The following PPP3CC variants were observed in gnomAD, a reference collection of about 807,000 sequenced individuals.
The protein encoded by PPP3CC is serine/threonine-protein phosphatase 2B catalytic subunit gamma isoform.
In PPP3CC, 35 loss-of-function variants were observed where a neutral mutation model predicts 60.3. The ratio of observed to expected loss-of-function variants is 0.58; its 90% CI spans 0.44 to 0.77. The LOEUF is 0.77. Among genes scored for constraint, PPP3CC ranks in the 30% least tolerant of loss-of-function variants. The pLI, the probability that PPP3CC is intolerant of heterozygous loss-of-function variation, is 0.00. For synonymous variants in PPP3CC, 206 were observed against 224.3 expected (o/e 0.92, Z 0.73); for missense variants, 570 against 628.9 (o/e 0.91, Z 1.00).
At chr8:22,449,338 A>G (rs1476630213) in intron 1 of PPP3CC, among the ~76,000 whole-genome samples, 7 of 149,226 alleles carry the variant, frequency 4.7e-5, no homozygotes, top group African/African-American at 1.7e-4. Context: ...GGACCCAGCT[A>G]CTTGGGAGGC....
Position 22,492,862 on chromosome 8 carries a change from CTT to C in PPP3CC, c.373-5137_373-5136del, listed in dbSNP as rs1381520507. 2.8e-6 allele frequency: 3 copies of C among 1,057,824 alleles called. No individual in the cohort carries two copies. In the Admixed American group the frequency reaches 5.1e-5, roughly 18 times the overall value. 65.5% of individuals were successfully genotyped at this position (1,057,824 alleles called of 1,614,324 possible). On this transcript the variant is annotated intron_variant, in intron 3 of 13. Coordinates refer to ENST00000240139, the MANE Select transcript of PPP3CC (RefSeq NM_005605.5). ...TTAACAGCAGAGATGCCAGCAAACTCTTTCACCATTACAGGCCATGCTGAGAC... is the reference window on the plus strand; with the variant it reads ...TTAACAGCAGAGATGCCAGCAAACTCTCACCATTACAGGCCATGCTGAGAC...
intron 1 of PPP3CC, among the ~76,000 whole-genome samples, chr8:22,461,995 G>C (rs2132447718): frequency 6.6e-6 from 1 of 152,302 alleles, no homozygotes; most frequent in South Asian, 2.1e-4. Context: ...AGTGCATTGG[G>C]AGTCTAGGAT....
At chr8:22,455,074 A>G (rs1336890943) in intron 1 of PPP3CC, among the ~76,000 whole-genome samples, 3 of 143,750 alleles carry the variant, frequency 2.1e-5, no homozygotes, top group Non-Finnish European at 4.6e-5. Context: ...AAAAAAAAAA[A>G]GAAAGAAAGG....
At chr8:22,468,563 T>G (rs1466250178) in intron 1 of PPP3CC, among the ~76,000 whole-genome samples, 3 of 152,142 alleles carry the variant, frequency 2.0e-5, no homozygotes, top group Non-Finnish European at 1.5e-5. Context: ...GCTGGCAAAT[T>G]AGAGAAAATA....
chr8:22,535,382 G>A (rs1314420069), intron 12 of PPP3CC, among the ~76,000 whole-genome samples: 2 of 152,206 alleles, frequency 1.3e-5, no homozygotes, highest in Non-Finnish European at 2.9e-5. Flanking sequence ...ATGAAAATTG[G>A]TATTGAAGCA....
At chr8:22,505,602 G>A (rs1215494657) in intron 4 of PPP3CC, among the ~76,000 whole-genome samples, 1 of 152,034 alleles carries the variant, frequency 6.6e-6, no homozygotes. Context: ...TTACTCTCAG[G>A]GTTTTTCAGC....
intron 1 of PPP3CC, among the ~76,000 whole-genome samples, chr8:22,447,381 A>C (rs887312189): frequency 6.6e-6 from 1 of 151,166 alleles, no homozygotes; most frequent in African/African-American, 2.4e-5. Context: ...ACGGGGTTTC[A>C]CTGTGTTAGC....
chr8:22,504,931 G>A (rs1355810609), intron 4 of PPP3CC, among the ~76,000 whole-genome samples: 6 of 150,246 alleles, frequency 4.0e-5, no homozygotes, highest in Non-Finnish European at 5.9e-5. Flanking sequence ...AAGGAACCTC[G>A]TGTTTATATT....
At chr8:22,454,259 C>A (rs996580432) in intron 1 of PPP3CC, among the ~76,000 whole-genome samples, 1 of 152,108 alleles carries the variant, frequency 6.6e-6, no homozygotes, top group Admixed American at 6.5e-5. Flanking sequence ...ACACCACATA[C>A]ATTAGCTGAG....
chr8:22,487,366 G>A (rs1052916425), intron 3 of PPP3CC, among the ~76,000 whole-genome samples: 1 of 152,130 alleles, frequency 6.6e-6, no homozygotes, highest in Non-Finnish European at 1.5e-5. Flanking sequence ...GCTCACACCG[G>A]TAATCCTAGC....
At chr8:22,514,665 TTTG>T in intron 6 of PPP3CC, among the ~76,000 whole-genome samples, 1 of 150,390 alleles carries the variant, frequency 6.6e-6, no homozygotes, top group South Asian at 2.1e-4. Context: ...TATTTTATTT[TTTG>T]TTGTTTTTTT....
intron 13 of PPP3CC, among the ~76,000 whole-genome samples, chr8:22,540,164 T>G (rs1839927794): frequency 6.6e-6 from 1 of 152,212 alleles, no homozygotes; most frequent in Admixed American, 6.5e-5. Context: ...ACGAAAAGAT[T>G]AGCTCTTTTG....
intron 1 of PPP3CC, among the ~76,000 whole-genome samples, chr8:22,457,499 G>T (rs1586791385): frequency 1.3e-5 from 2 of 151,540 alleles, no homozygotes; most frequent in Admixed American, 6.6e-5. Flanking sequence ...AGATAGGGAG[G>T]GTTTCACGAT....
intron 1 of PPP3CC, among the ~76,000 whole-genome samples, chr8:22,474,020 G>A (rs1473439593): frequency 1.3e-5 from 2 of 151,776 alleles, no homozygotes; most frequent in Admixed American, 6.6e-5. Context: ...TCAGCTTCCC[G>A]AGTAGCTGGG....
chr8:22,511,382 C>T lies in PPP3CC; in HGVS notation c.630+151C>T, dbSNP rs368699426. On this transcript the variant is annotated intron_variant, in intron 5 of 13. Coordinates refer to ENST00000240139, the MANE Select transcript of PPP3CC (RefSeq NM_005605.5). ...TCAGCTCACTGCAACCTCCGCCTCC[C>T]TGGTTCAGCCTCCCGAGTAGCTGGA... The T allele has an allele frequency of 5.9e-4, 467 of 787,370 alleles. 9 individuals carry two copies. In the East Asian group the frequency reaches 8.9e-3, roughly 15 times the overall value. 48.8% of individuals were successfully genotyped at this position (787,370 alleles called of 1,614,324 possible). A position where few individuals can be genotyped will look rare whatever the true frequency, so the allele number is the denominator to read the frequency against.
At chr8:22,456,305 T>C (rs1034048455) in intron 1 of PPP3CC, among the ~76,000 whole-genome samples, 2 of 152,228 alleles carry the variant, frequency 1.3e-5, no homozygotes, top group African/African-American at 4.8e-5. Context: ...AAAATACATA[T>C]TGTTTATGTA....
intron 10 of PPP3CC, chr8:22,531,158 C>A: frequency 1.3e-6 from 1 of 743,750 alleles, no homozygotes; most frequent in Non-Finnish European, 2.2e-6. Flanking sequence ...AAGGATATCT[C>A]TTATGAGCTG....
chr8:22,472,641 A>C (rs1233208249), intron 1 of PPP3CC, among the ~76,000 whole-genome samples: 1 of 151,964 alleles, frequency 6.6e-6, no homozygotes, highest in African/African-American at 2.4e-5. Context: ...TCTATTTTTC[A>C]TTGTAGATTT....
At chr8:22,526,275 A>G (rs572209825) in intron 8 of PPP3CC, among the ~76,000 whole-genome samples, 2 of 152,332 alleles carry the variant, frequency 1.3e-5, no homozygotes, top group South Asian at 4.1e-4. Flanking sequence ...AACACACCCA[A>G]AAGCAGTTTT....
Sources: gnomAD v4.1 joint callset for allele counts (sites outside exome capture counted in the v4.1 genomes callset) on GRCh38, gnomAD v4.1.1 for gene constraint, MANE v1.5 for transcripts, NCBI Gene and HGNC (gene_info 2026-07-23, HGNC 2026-07-21) for gene names.